The following LRRC9 variants were observed in gnomAD, a reference collection of about 807,000 sequenced individuals.
The protein encoded by LRRC9 is leucine-rich repeat-containing protein 9.
In LRRC9, 122 loss-of-function variants were observed where a neutral mutation model predicts 63.2. That is an observed-to-expected ratio of 1.93 (90% CI 1.67 to 2.24). LRRC9 has a LOEUF of 2.24. LRRC9 is among the 30% of genes most tolerant of loss of function. The pLI, the probability that LRRC9 is intolerant of heterozygous loss-of-function variation, is 0.00. For synonymous variants in LRRC9, 366 were observed against 213.1 expected, an observed-to-expected ratio of 1.72 and a Z score of -6.25; for missense variants, 1,071 against 627.7, an observed-to-expected ratio of 1.71 and a Z score of -7.55.
At chr14:59,944,526 C>A in intron 7 of LRRC9, 63 bp from the exon 8 acceptor site, 1 of 520,650 alleles carries the variant, frequency 1.9e-6, no homozygotes, top group Non-Finnish European at 3.3e-6. Context: ...TTATATAATA[C>A]CACTAACAAT....
chr14:59,946,257 T>G (rs1288701963), intron 8 of LRRC9, among the ~76,000 whole-genome samples: 1 of 151,014 alleles, frequency 6.6e-6, no homozygotes, highest in Non-Finnish European at 1.5e-5. Context: ...GTTCTTATTA[T>G]AATTAGAAAA....
At chr14:59,926,663 C>G (rs1380356380) in intron 1 of LRRC9, among the ~76,000 whole-genome samples, 1 of 152,130 alleles carries the variant, frequency 6.6e-6, no homozygotes, top group Non-Finnish European at 1.5e-5. Flanking sequence ...TCTAACACTA[C>G]AGTTTGTTTT....
At chr14:59,998,187 C>T (rs937818379) in intron 18 of LRRC9, among the ~76,000 whole-genome samples, 1 of 151,746 alleles carries the variant, frequency 6.6e-6, no homozygotes, top group African/African-American at 2.4e-5. Context: ...TCATAGGAAC[C>T]AAGAATAATA....
chr14:59,992,325 C>T (rs937646577), intron 17 of LRRC9, among the ~76,000 whole-genome samples: 1 of 152,092 alleles, frequency 6.6e-6, no homozygotes, highest in Admixed American at 6.5e-5. Flanking sequence ...TCACCATCAT[C>T]AAAGACCAAA....
At chr14:60,000,437 A>G (rs895420454) in intron 19 of LRRC9, among the ~76,000 whole-genome samples, 7 of 152,140 alleles carry the variant, frequency 4.6e-5, no homozygotes, top group Admixed American at 3.3e-4. Flanking sequence ...CCCTGAATCT[A>G]AAATGAAATT....
chr14:60,047,532 C>T (rs1471276891), intron 29 of LRRC9, among the ~76,000 whole-genome samples: 1 of 152,106 alleles, frequency 6.6e-6, no homozygotes, highest in African/African-American at 2.4e-5. Flanking sequence ...AGACTTTAAA[C>T]CAACAAAGAT....
At chr14:60,023,318 A>C (rs1376344172) in intron 27 of LRRC9, among the ~76,000 whole-genome samples, 1 of 152,056 alleles carries the variant, frequency 6.6e-6, no homozygotes, top group East Asian at 1.9e-4. Context: ...TTACTAACTT[A>C]AGTGCAATAG....
At chr14:59,952,509 C>T (rs1301567079) in intron 8 of LRRC9, among the ~76,000 whole-genome samples, 1 of 152,186 alleles carries the variant, frequency 6.6e-6, no homozygotes, top group Non-Finnish European at 1.5e-5. Flanking sequence ...CCTATTCGGC[C>T]ATCTTGGCTC....
intron 8 of LRRC9, among the ~76,000 whole-genome samples, chr14:59,952,923 C>T (rs1594859443): frequency 6.6e-6 from 1 of 151,420 alleles, no homozygotes; most frequent in Non-Finnish European, 1.5e-5. Context: ...GTTTTCTGTT[C>T]CTGTGTTAGT....
At chr14:60,054,571 T>C (rs1214577718) in intron 30 of LRRC9, among the ~76,000 whole-genome samples, 1 of 152,236 alleles carries the variant, frequency 6.6e-6, no homozygotes, top group Non-Finnish European at 1.5e-5. Context: ...TCTTGCTATT[T>C]TAAAGAAACC....
rs1005811402 is a variant in LRRC9, at chr14:59,966,197, G to A, written c.1212-392G>A. Among the ~76,000 whole-genome samples, 3 of 152,154 alleles carry A rather than the reference G, an allele frequency of 2.0e-5. No individual in the cohort carries two copies. Among genetic ancestry groups the A allele is most frequent in the African/African-American group, 7.2e-5 (3 of 41,440 alleles). Reference sequence around the variant, plus strand: ...TTTATCAGGATGTATATAAAGCCAAGGAACCACGTGAAATCATCTAGGGAG... The same window carrying A: ...TTTATCAGGATGTATATAAAGCCAAAGAACCACGTGAAATCATCTAGGGAG... On this transcript the variant is annotated intron_variant, in intron 10 of 31. Coordinates refer to ENST00000445360, the Ensembl canonical transcript of LRRC9. The surrounding 1 kb of genome is among the most constrained non-coding windows in gnomAD (Gnocchi z 4.0).
At chr14:59,933,445 T>C (rs1464225078) in intron 6 of LRRC9, among the ~76,000 whole-genome samples, 1 of 152,182 alleles carries the variant, frequency 6.6e-6, no homozygotes, top group African/African-American at 2.4e-5. Context: ...TTATCACATA[T>C]AATGTTGGTT....
At chr14:60,010,577 GT>G (rs1890186271) in intron 23 of LRRC9, among the ~76,000 whole-genome samples, 1 of 152,132 alleles carries the variant, frequency 6.6e-6, no homozygotes, top group Non-Finnish European at 1.5e-5. Flanking sequence ...TTGGCACCTC[GT>G]TACTTATGCA....
chr14:59,928,613 T>C (rs1024248268), intron 3 of LRRC9, 127 bp downstream of exon 3: 2 of 422,744 alleles, frequency 4.7e-6, no homozygotes, highest in Admixed American at 4.3e-5. Flanking sequence ...AGGCTAGAAA[T>C]TGATTTGTAC....
chr14:60,019,268 T>G lies in LRRC9; in HGVS notation c.3566+8T>G. On this transcript the variant is annotated splice_region_variant and intron_variant, in intron 26 of 31. Transcript: ENST00000445360. ...AATTTCAAAAACAAACAGGTAGTAT[T>G]CTTTATTTTTATGATTATAACTAAT... The G allele has an allele frequency of 1.5e-6, 1 of 679,842 alleles. No individual in the cohort carries two copies. Among genetic ancestry groups the G allele is most frequent in the Non-Finnish European group, 2.7e-6 (1 of 377,052 alleles). 42.1% of individuals were successfully genotyped at this position (679,842 alleles called of 1,614,324 possible).
rs1884475147 is a variant in LRRC9, at chr14:59,962,774, AT to A, written c.1211+1731del. On this transcript the variant is annotated intron_variant, in intron 10 of 31. Coordinates refer to ENST00000445360, the Ensembl canonical transcript of LRRC9. This position sits in a 1 kb window ranked among gnomAD's most constrained non-coding sequence, Gnocchi z 5.1. ...AGAGGAAACTCTTTGCAACAAGTGGATTAGTGAAAAAAAAAAAAATGTAAAA... is the reference window on the plus strand; with the variant it reads ...AGAGGAAACTCTTTGCAACAAGTGGATAGTGAAAAAAAAAAAAATGTAAAA... 6.9e-6 allele frequency among the ~76,000 whole-genome samples: 1 copy of A among 144,100 alleles called. No homozygotes were observed. The allele number at this position is 144,100 out of a possible 152,430, so 94.5% of individuals were successfully genotyped here. A position where few individuals can be genotyped will look rare whatever the true frequency, so the allele number is the denominator to read the frequency against.
At chr14:59,972,416 C>T (rs915079822) in intron 12 of LRRC9, among the ~76,000 whole-genome samples, 2 of 152,038 alleles carry the variant, frequency 1.3e-5, no homozygotes, top group Admixed American at 1.3e-4. Flanking sequence ...AAGCCTTTGA[C>T]TATGAAATTG....
exon 32 of LRRC9, chr14:60,063,442 T>TTAAA: frequency 1.7e-6 from 1 of 590,496 alleles, no homozygotes; most frequent in Middle Eastern, 2.8e-4. Flanking sequence ...AGTGGTCAGT[T>TTAAA]AAAAAAAAAA....
chr14:59,966,653 A>G lies in LRRC9; in HGVS notation c.1276A>G (p.Ile426Val). Residue 426 changes from isoleucine to valine, a missense_variant, in exon 11 of 32, where the codon ATT (isoleucine) becomes GTT (valine). Coordinates refer to ENST00000445360, the Ensembl canonical transcript of LRRC9. This position sits in a 1 kb window ranked among gnomAD's most constrained non-coding sequence, Gnocchi z 4.0. ...TGCCTGGGACTTCAGAACATACGGT[A>G]TTACAGGAGTAAAAGTAAAACGCAT... is the stretch of plus-strand genomic sequence containing the variant. The G allele has an allele frequency of 1.4e-6, 1 of 698,508 alleles. No individual in the cohort carries two copies. Among genetic ancestry groups the G allele is most frequent in the South Asian group, 1.5e-5 (1 of 66,902 alleles). The allele number at this position is 698,508 out of a possible 1,614,324, so 43.3% of individuals were successfully genotyped here. A position where few individuals can be genotyped will look rare whatever the true frequency, so the allele number is the denominator to read the frequency against.
Sources: gnomAD v4.1 joint callset for allele counts (sites outside exome capture counted in the v4.1 genomes callset) on GRCh38, gnomAD v4.1.1 for gene constraint, Gnocchi (gnomAD v3.1) non-coding constraint, MANE v1.5 for transcripts, NCBI Gene and HGNC (gene_info 2026-07-23, HGNC 2026-07-21) for gene names.